ADGRB1: variants seen among roughly 807,000 people sequenced by gnomAD.
ADGRB1 encodes the protein brain-specific angiogenesis inhibitor 1.
ADGRB1 carries 36 observed loss-of-function variants against 175.7 expected under a neutral mutation model. The observed-to-expected ratio is 0.20, with a 90% CI of 0.16 to 0.27. ADGRB1 has a LOEUF of 0.27. ADGRB1 is among the 10% of genes least tolerant of loss of function. ADGRB1 has a pLI of 1.00. For synonymous variants in ADGRB1, 1,054 were observed against 979.4 expected (o/e 1.08, Z -1.42); for missense variants, 1,731 against 2,255.3 (o/e 0.77, Z 4.71).
At chr8:142,529,440 C>T (rs917608553) in intron 24 of ADGRB1, among the ~76,000 whole-genome samples, 3 of 152,142 alleles carry the variant, frequency 2.0e-5, no homozygotes, top group Non-Finnish European at 4.4e-5. Flanking sequence ...GGTGTGCTCT[C>T]AAGTGTACTG....
Position 142,542,044 on chromosome 8 carries a change from G to A in ADGRB1, c.3810G>A (p.Lys1270=), listed in dbSNP as rs1845303268. 1 of 1,611,442 alleles carries A rather than the reference G, an allele frequency of 6.2e-7. No homozygotes were observed. Among genetic ancestry groups the A allele is most frequent in the African/African-American group, 1.3e-5 (1 of 74,888 alleles). Residue 1270 remains lysine (K), a synonymous_variant, in exon 28 of 31, where the codon AAG becomes AAA. Transcript: ENST00000517894. The surrounding 1 kb of genome is among the most constrained non-coding windows in gnomAD (Gnocchi z 6.3). The part of the protein sequence containing the change: ...EEEKLKLAHA[K]GPPTNFNSLP... ...AGAAGCTGAAGCTGGCCCATGCCAA[G>A]GGGCCGCCCACCAATTTCAACAGCC...
chr8:142,517,785 G>T (rs1177419861), intron 18 of ADGRB1, among the ~76,000 whole-genome samples: 1 of 152,154 alleles, frequency 6.6e-6, no homozygotes, highest in African/African-American at 2.4e-5. Flanking sequence ...CCTGGACCTG[G>T]CACCTCCCTG....
At chr8:142,486,400 G>C (rs1841672945) in intron 13 of ADGRB1, among the ~76,000 whole-genome samples, 1 of 152,212 alleles carries the variant, frequency 6.6e-6, no homozygotes, top group Non-Finnish European at 1.5e-5. Flanking sequence ...CTTAAACCCA[G>C]AGACCTGCCA....
rs144609610 is a variant in ADGRB1, at chr8:142,478,023, C to T, written c.1388-164C>T. Among the ~76,000 whole-genome samples the T allele has an allele frequency of 5.9e-3, 897 of 150,816 alleles. 9 individuals are homozygous for T. The highest frequency in any genetic ancestry group is 0.02 in the African/African-American group (830 of 41,014). On this transcript the variant is annotated intron_variant, in intron 6 of 30. Transcript: ENST00000517894. ...CCGTGTCCCAGCCTGGGTGTTCTCA[C>T]CCATGTCACAGGCTGGCCGTGGGTG...
chr8:142,453,069 T>C (rs1342413407), intron 1 of ADGRB1, among the ~76,000 whole-genome samples: 15 of 127,796 alleles, frequency 1.2e-4, no homozygotes, highest in Non-Finnish European at 2.3e-4. Flanking sequence ...CGCCGTCCGC[T>C]CCCGCCGCCG....
chr8:142,482,666 T>C (rs2131834685), intron 11 of ADGRB1, among the ~76,000 whole-genome samples: 1 of 147,126 alleles, frequency 6.8e-6, no homozygotes, highest in Non-Finnish European at 1.5e-5. Flanking sequence ...TGAGCCTCGA[T>C]CCTGGTCACA....
chr8:142,525,774 T>C (rs62513304), intron 23 of ADGRB1, among the ~76,000 whole-genome samples: 39,170 of 152,104 alleles, frequency 0.26, 5,513 homozygotes, highest in African/African-American at 0.37. Context: ...AACCTGGGCC[T>C]GAGGAAGTCA....
At chr8:142,465,184 C>A (rs1053535798) in intron 2 of ADGRB1, among the ~76,000 whole-genome samples, 2 of 152,150 alleles carry the variant, frequency 1.3e-5, no homozygotes, top group African/African-American at 4.8e-5. Flanking sequence ...GAGTGTGTAC[C>A]CTGGCACCCT....
rs542497841 is a variant in ADGRB1 at position 142,534,950 on chromosome 8, A to G, written c.3570+1484A>G. Among the ~76,000 whole-genome samples the G allele has an allele frequency of 2.7e-3, 416 of 152,284 alleles. 2 individuals carry two copies. Among genetic ancestry groups the G allele is most frequent in the Non-Finnish European group, 4.3e-3 (290 of 68,020 alleles). ...GAGCTCGTCACAGGAGCTCATCACC[A>G]TGGCTGGGATTTGAGGCCAGGCGGT... On this transcript the variant is annotated intron_variant, in intron 25 of 30. Coordinates refer to ENST00000517894, the MANE Select transcript of ADGRB1 (RefSeq NM_001702.3).
intron 6 of ADGRB1, 73 bp from the exon 7 acceptor site, chr8:142,478,114 C>A: frequency 6.5e-7 from 1 of 1,535,792 alleles, no homozygotes; most frequent in South Asian, 1.2e-5. Context: ...CCAGGGTGCT[C>A]ACACCCACAT....
At chr8:142,500,496 C>A (rs923561492) in intron 17 of ADGRB1, among the ~76,000 whole-genome samples, 1 of 150,922 alleles carries the variant, frequency 6.6e-6, no homozygotes, top group South Asian at 2.1e-4. Context: ...TGTGGAGGGG[C>A]GGCTGCAGGG....
At chr8:142,475,362 C>A (rs1273417380) in intron 2 of ADGRB1, 112 bp from the exon 3 acceptor site, 2 of 1,103,798 alleles carry the variant, frequency 1.8e-6, no homozygotes, top group East Asian at 3.2e-5. Context: ...CCCGGCACTG[C>A]GGCCCCTCCC....
At chr8:142,506,361 G>A (rs2132011602) in intron 17 of ADGRB1, among the ~76,000 whole-genome samples, 1 of 152,330 alleles carries the variant, frequency 6.6e-6, no homozygotes, top group South Asian at 2.1e-4. Context: ...TGGGCAGGAA[G>A]GGGACCTGCT....
chr8:142,521,432 G>A (rs1843841860), intron 20 of ADGRB1, among the ~76,000 whole-genome samples: 1 of 152,214 alleles, frequency 6.6e-6, no homozygotes, highest in Non-Finnish European at 1.5e-5. Context: ...AATGTGGCAG[G>A]TGCAGCCTTT....
intron 24 of ADGRB1, among the ~76,000 whole-genome samples, chr8:142,527,944 C>T (rs889655428): frequency 6.6e-5 from 10 of 152,232 alleles, no homozygotes; most frequent in African/African-American, 1.4e-4. Context: ...TAAGCCCAGG[C>T]GGCCTGCACT....
intron 19 of ADGRB1, among the ~76,000 whole-genome samples, chr8:142,520,000 GATT>G (rs1317784151): frequency 1.3e-5 from 2 of 148,812 alleles, no homozygotes; most frequent in Non-Finnish European, 3.0e-5. Flanking sequence ...TGGTGCTAGT[GATT>G]ATGGTGATGG....
At chr8:142,539,629 G>T (rs981472886) in intron 27 of ADGRB1, 21 of 611,924 alleles carry the variant, frequency 3.4e-5, no homozygotes, top group African/African-American at 3.3e-4. Context: ...CCGAAGGAGG[G>T]TCCATGGGGC....
intron 13 of ADGRB1, 58 bp from the exon 14 acceptor site, chr8:142,488,306 C>T (rs910769361): frequency 4.4e-6 from 7 of 1,599,912 alleles, no homozygotes; most frequent in African/African-American, 2.7e-5. Flanking sequence ...GCTGAGGCCC[C>T]GCCACATCTG....
Position 142,510,119 on chromosome 8 carries a change from G to A in ADGRB1, c.2676-813G>A, listed in dbSNP as rs1175965302. Among the ~76,000 whole-genome samples, 5 of 152,120 alleles carry A rather than the reference G, an allele frequency of 3.3e-5. No individual in the cohort carries two copies. The highest frequency in any genetic ancestry group is 9.7e-5 in the African/African-American group (4 of 41,446). ...GGAGGTGGAGGAGGAAGAACAGGAG[G>A]AGGAGGTTGGGGGTGGAGAGGAGGA... On this transcript the variant is annotated intron_variant, in intron 17 of 30. Transcript: ENST00000517894. The surrounding 1 kb of genome is among the most constrained non-coding windows in gnomAD (Gnocchi z 6.3).
Sources: allele counts gnomAD v4.1 joint callset (sites outside exome capture counted in the v4.1 genomes callset), GRCh38; gene constraint gnomAD v4.1.1; non-coding constraint Gnocchi (gnomAD v3.1); transcripts MANE v1.5; gene names NCBI Gene and HGNC (gene_info 2026-07-23, HGNC 2026-07-21).